The following VWA8 variants were observed in gnomAD, a reference collection of about 807,000 sequenced individuals.
VWA8 encodes von Willebrand factor A domain-containing protein 8.
A neutral mutation model predicts 241.5 loss-of-function variants in VWA8; 221 were observed. The ratio of observed to expected loss-of-function variants is 0.91; its 90% CI spans 0.82 to 1.02. The LOEUF is 1.02. Ranked by LOEUF, VWA8 falls within the 50% of genes least tolerant of loss-of-function variation. The probability of loss-of-function intolerance (pLI) is 0.00; values close to 1 mark genes in which losing one functional copy is unlikely to be tolerated. For missense variants in VWA8, 2,322 were observed against 2,328.7 expected (o/e 1.00, Z 0.06); for synonymous variants, 852 against 827.1 (o/e 1.03, Z -0.52).
chr13:41,950,631 G>T (rs1878087578), intron 1 of VWA8, among the ~76,000 whole-genome samples: 1 of 148,174 alleles, frequency 6.7e-6, no homozygotes. Flanking sequence ...GCCTCCCAAA[G>T]TGCTGGGATT....
chr13:41,627,657 C>A (rs748672147), intron 37 of VWA8, among the ~76,000 whole-genome samples: 127 of 152,122 alleles, frequency 8.3e-4, no homozygotes, highest in Non-Finnish European at 1.3e-3. Context: ...GAACAGTGCA[C>A]CCACTGGAAC....
At chr13:41,758,649 C>T (rs2045717486) in intron 21 of VWA8, among the ~76,000 whole-genome samples, 1 of 150,294 alleles carries the variant, frequency 6.7e-6, no homozygotes, top group African/African-American at 2.4e-5. Flanking sequence ...GCAATTGTGT[C>T]ATCTATAACA....
At chr13:41,571,655 C>T (rs1445320124) in intron 43 of VWA8, among the ~76,000 whole-genome samples, 1 of 152,214 alleles carries the variant, frequency 6.6e-6, no homozygotes, top group African/African-American at 2.4e-5. Flanking sequence ...CAGTGCTCAA[C>T]ATTGCCCAGG....
At chr13:41,590,981 G>T (rs2044450704) in intron 40 of VWA8, among the ~76,000 whole-genome samples, 1 of 152,176 alleles carries the variant, frequency 6.6e-6, no homozygotes, top group South Asian at 2.1e-4. Context: ...ACAATAAAAT[G>T]AATGAAAGAT....
At chr13:41,812,499 G>T (rs1223517353) in intron 16 of VWA8, among the ~76,000 whole-genome samples, 1 of 152,054 alleles carries the variant, frequency 6.6e-6, no homozygotes, top group East Asian at 1.9e-4. Context: ...TAGAAAAGAG[G>T]ACTCTATGAA....
chr13:41,777,581 G>C (rs556287096), intron 20 of VWA8, among the ~76,000 whole-genome samples: 1 of 152,286 alleles, frequency 6.6e-6, no homozygotes, highest in East Asian at 1.9e-4. Context: ...GCAAAAAAGA[G>C]AGGCTCAATC....
At position 41,892,962 on chromosome 13, in the gene VWA8, A is replaced by G. The variant is rs533276238; in HGVS notation, c.484-1375T>C. ...CATCTCCTGATATTAGTTGCCTCAC[A>G]TGTGGTATTTCTGTGACAATAAACT... On this transcript the variant is annotated intron_variant, in intron 4 of 44. Coordinates refer to ENST00000379310, the MANE Select transcript of VWA8 (RefSeq NM_015058.2). Among the ~76,000 whole-genome samples, 31 of 152,246 alleles carry G rather than the reference A, an allele frequency of 2.0e-4. No homozygotes were observed. The South Asian group carries it at 6.2e-3, about 31-fold the overall frequency.
At chr13:41,623,476 G>GA (rs1235874515) in intron 37 of VWA8, among the ~76,000 whole-genome samples, 1 of 152,174 alleles carries the variant, frequency 6.6e-6, no homozygotes, top group Non-Finnish European at 1.5e-5. Flanking sequence ...TGTATTAAGG[G>GA]ATGAATGAGA....
At chr13:41,778,163 C>A in intron 19 of VWA8, 107 bp from the exon 20 acceptor site, 1 of 639,764 alleles carries the variant, frequency 1.6e-6, no homozygotes, top group Non-Finnish European at 2.3e-6. Flanking sequence ...TTATAATAAA[C>A]AATTATCAAT....
chr13:41,660,386 G>A (rs997937808), intron 37 of VWA8, among the ~76,000 whole-genome samples: 3 of 152,142 alleles, frequency 2.0e-5, no homozygotes, highest in African/African-American at 7.2e-5. Flanking sequence ...AAAGTGTTGG[G>A]ATTACAGGCA....
At chr13:41,949,821 C>T (rs1878039657) in intron 2 of VWA8, 115 bp downstream of exon 2, 3 of 531,210 alleles carry the variant, frequency 5.6e-6, no homozygotes, top group South Asian at 4.3e-5. Context: ...AATGTTGAAG[C>T]TGGATGATAA....
chr13:41,769,363 TA>T (rs1410941926), intron 20 of VWA8, among the ~76,000 whole-genome samples: 1 of 152,066 alleles, frequency 6.6e-6, no homozygotes, highest in Non-Finnish European at 1.5e-5. Context: ...AAAAGAACAA[TA>T]TATTAAAAGA....
intron 37 of VWA8, among the ~76,000 whole-genome samples, chr13:41,617,275 C>G (rs904307695): frequency 6.6e-6 from 1 of 152,014 alleles, no homozygotes; most frequent in African/African-American, 2.4e-5. Context: ...CCTGCCACCA[C>G]GCCCAGCTAA....
intron 9 of VWA8, among the ~76,000 whole-genome samples, chr13:41,881,371 C>CGGGGGGGGGG (rs1491104127): frequency 9.1e-5 from 1 of 10,984 alleles, no homozygotes; most frequent in African/African-American, 2.4e-4. Flanking sequence ...TTTTTTTTTG[C>CGGGGGGGGGG]CGGGGGGGGG....
chr13:41,835,589 C>T (rs939651014), intron 12 of VWA8, among the ~76,000 whole-genome samples: 2 of 152,100 alleles, frequency 1.3e-5, no homozygotes. Context: ...AAGATTCATT[C>T]CCACTCATGC....
intron 20 of VWA8, among the ~76,000 whole-genome samples, chr13:41,773,656 T>A (rs1868429460): frequency 6.6e-6 from 1 of 152,192 alleles, no homozygotes; most frequent in Non-Finnish European, 1.5e-5. Flanking sequence ...AGCACAGATG[T>A]TACCTTATGA....
intron 37 of VWA8, among the ~76,000 whole-genome samples, chr13:41,628,736 C>T (rs1315043018): frequency 6.6e-6 from 1 of 152,060 alleles, no homozygotes; most frequent in Non-Finnish European, 1.5e-5. Flanking sequence ...ATTAAATACA[C>T]ATGGGCATAA....
chr13:41,743,377 C>T (rs1331040), intron 21 of VWA8, among the ~76,000 whole-genome samples: 1 of 152,164 alleles, frequency 6.6e-6, no homozygotes, highest in Non-Finnish European at 1.5e-5. Context: ...TAGTGAGAGA[C>T]CTTAACTTGG....
At chr13:41,586,969 C>T (rs1432472277) in intron 42 of VWA8, among the ~76,000 whole-genome samples, 1 of 152,168 alleles carries the variant, frequency 6.6e-6, no homozygotes, top group Non-Finnish European at 1.5e-5. Flanking sequence ...TTGGGGGTCC[C>T]TTCACCATGC....
Sources: gnomAD v4.1 joint callset for allele counts (sites outside exome capture counted in the v4.1 genomes callset) on GRCh38, gnomAD v4.1.1 for gene constraint, MANE v1.5 for transcripts, NCBI Gene and HGNC (gene_info 2026-07-23, HGNC 2026-07-21) for gene names.